CNNM4: variants seen among roughly 807,000 people sequenced by gnomAD.
CNNM4 encodes the protein metal transporter CNNM4.
In CNNM4, 32 loss-of-function variants were observed where a neutral mutation model predicts 53.7. The ratio of observed to expected loss-of-function variants is 0.60; its 90% confidence interval spans 0.45 to 0.80. CNNM4 has a LOEUF of 0.80. Among genes scored for constraint, CNNM4 ranks in the 30% least tolerant of loss-of-function variants. CNNM4 has a pLI of 0.00. For synonymous variants in CNNM4, 410 were observed against 440.0 expected, an observed-to-expected ratio of 0.93 and a Z score of 0.85; for missense variants, 784 against 1,022.0, an observed-to-expected ratio of 0.77 and a Z score of 3.17.
intron 1 of CNNM4, among the ~76,000 whole-genome samples, chr2:96,784,525 C>T (rs1341960239): frequency 6.6e-6 from 1 of 152,182 alleles, no homozygotes; most frequent in Non-Finnish European, 1.5e-5. Flanking sequence ...AATCTAGAGA[C>T]TACTAGCTAA....
At chr2:96,762,878 GC>G (rs2153342230) in intron 1 of CNNM4, among the ~76,000 whole-genome samples, 1 of 152,264 alleles carries the variant, frequency 6.6e-6, no homozygotes, top group South Asian at 2.1e-4. Flanking sequence ...GAGTGGAGAA[GC>G]AAAAGTGTGC....
chr2:96,769,349 A>C (rs980359018), intron 1 of CNNM4, among the ~76,000 whole-genome samples: 2 of 151,820 alleles, frequency 1.3e-5, no homozygotes, highest in African/African-American at 4.8e-5. Context: ...CAGGTGGATC[A>C]CCTGAGGTCA....
At position 96,761,625 on chromosome 2, in the gene CNNM4, T is replaced by C; in HGVS notation, c.626T>C (p.Leu209Pro). 2 of 1,613,950 alleles carry C rather than the reference T, an allele frequency of 1.2e-6. No homozygotes were observed. The highest frequency in any genetic ancestry group is 1.7e-6 in the Non-Finnish European group (2 of 1,180,022). The change falls in exon 1 of 7, where the codon CTG becomes CCG. Residue 209 changes from leucine (L) to proline (P), a missense_variant. By Grantham distance (98) the Leu-to-Pro change is moderately conservative. Around this residue, in one of 3 missense-constraint regions of CNNM4, gnomAD observed 473 missense variants for 624.6 expected, o/e 0.76. Coordinates refer to ENST00000377075, the MANE Select transcript of CNNM4 (RefSeq NM_020184.4). This position sits in a 1 kb window ranked among gnomAD's most constrained non-coding sequence, Gnocchi z 6.0. ...GGCCTCAACCTCGGGCTTATGGCCC[T>C]GGACCCCATGGAGCTGCGCATCGTG... The part of the protein sequence containing the change: ...FSGLNLGLMA[L>P]DPMELRIVQN...
rs546560504 is a variant in CNNM4, at chr2:96,770,429, A to G, written c.1402+8028A>G. Reference sequence around the variant, plus strand: ...TTGGGAAGGGGAGGCCTGTCTCGTAAGTAAAAGTCTGGGAAGACATTTCAG... The same window carrying G: ...TTGGGAAGGGGAGGCCTGTCTCGTAGGTAAAAGTCTGGGAAGACATTTCAG... On this transcript the variant is annotated intron_variant, in intron 1 of 6. Coordinates refer to ENST00000377075, the MANE Select transcript of CNNM4 (RefSeq NM_020184.4). Among the ~76,000 whole-genome samples, 19 of 152,300 alleles carry G rather than the reference A, an allele frequency of 1.2e-4. No homozygotes were observed. In the South Asian group the frequency reaches 3.3e-3, roughly 27 times the overall value.
At chr2:96,770,944 T>C (rs2078863805) in intron 1 of CNNM4, among the ~76,000 whole-genome samples, 2 of 152,234 alleles carry the variant, frequency 1.3e-5, no homozygotes, top group African/African-American at 4.8e-5. Context: ...GGACAGGCTG[T>C]CTCAAAGCCT....
intron 1 of CNNM4, among the ~76,000 whole-genome samples, chr2:96,768,084 C>G (rs1454921072): frequency 2.6e-5 from 4 of 152,096 alleles, no homozygotes. Context: ...CAAAACGAAA[C>G]AACAACAACA....
chr2:96,786,047 AC>A (rs1368492941), intron 1 of CNNM4, among the ~76,000 whole-genome samples: 11 of 151,332 alleles, frequency 7.3e-5, no homozygotes, highest in African/African-American at 2.7e-4. Context: ...AGATCACGCC[AC>A]TGCACTCCAG....
chr2:96,784,053 T>C (rs150350513), intron 1 of CNNM4, among the ~76,000 whole-genome samples: 2 of 152,322 alleles, frequency 1.3e-5, no homozygotes, highest in African/African-American at 4.8e-5. Context: ...CCTTCCACTT[T>C]TGTTACCGAT....
At chr2:96,767,278 G>A (rs1267861006) in intron 1 of CNNM4, among the ~76,000 whole-genome samples, 1 of 152,192 alleles carries the variant, frequency 6.6e-6, no homozygotes, top group African/African-American at 2.4e-5. Flanking sequence ...GACCACAGGA[G>A]TAAGATCATC....
chr2:96,802,171 GACAC>G (rs147284099), intron 5 of CNNM4, among the ~76,000 whole-genome samples: 7 of 149,938 alleles, frequency 4.7e-5, no homozygotes, highest in Middle Eastern at 3.4e-3. Context: ...TACACCCATA[GACAC>G]ACACACACAC....
At chr2:96,799,795 G>T (rs979825124) in intron 5 of CNNM4, 147 bp downstream of exon 5, 2 of 742,896 alleles carry the variant, frequency 2.7e-6, no homozygotes, top group East Asian at 2.7e-5. Flanking sequence ...AGCCGCCAGG[G>T]CCTGGAGCGG....
rs558786237 is a variant in CNNM4, at chr2:96,809,458, A to G, written c.2269A>G (p.Thr757Ala). 10 of 1,613,970 alleles carry G rather than the reference A, an allele frequency of 6.2e-6. No individual in the cohort carries two copies. The Admixed American group carries it at 1.0e-4, about 16-fold the overall frequency. ...GCTGCCTGTGGTGGACGAGACCACA[A>G]CTCTTCTCAACGAGCGTAACTCCTT... ...SELPVVDETT[T>A]LLNERNSLLH... Residue 757 changes from threonine to alanine, a missense_variant, in exon 7 of 7, where the codon ACT (threonine) becomes GCT (alanine). Around this residue, in one of 3 missense-constraint regions of CNNM4, gnomAD observed 307 missense variants for 376.3 expected, o/e 0.82. Transcript: ENST00000377075.
intron 1 of CNNM4, among the ~76,000 whole-genome samples, chr2:96,790,310 ATTT>A (rs1453272718): frequency 7.0e-6 from 1 of 142,916 alleles, no homozygotes; most frequent in African/African-American, 2.6e-5. Context: ...CCGGCCTAGA[ATTT>A]TTTTTTAAAG....
chr2:96,800,657 A>G lies in CNNM4; in HGVS notation c.1948+1009A>G, dbSNP rs927160860. Among the ~76,000 whole-genome samples the G allele has an allele frequency of 1.3e-5, 2 of 152,208 alleles. No individual in the cohort carries two copies. The highest frequency in any genetic ancestry group is 1.5e-5 in the Non-Finnish European group (1 of 68,030). On this transcript the variant is annotated intron_variant, in intron 5 of 6. Coordinates refer to ENST00000377075, the MANE Select transcript of CNNM4 (RefSeq NM_020184.4). This position sits in a 1 kb window ranked among gnomAD's most constrained non-coding sequence, Gnocchi z 4.6. ...CCTATCAGATGCCTCAGGCCTGGGG[A>G]TGACTTCCTGTGCCTCCAAGAGCAG... is the stretch of plus-strand genomic sequence containing the variant.
chr2:96,798,324 T>A, intron 3 of CNNM4: 1 of 164,832 alleles, frequency 6.1e-6, no homozygotes. Context: ...AAGGGACGCT[T>A]CCCCTTCTGC....
At chr2:96,772,227 C>A (rs1174531649) in intron 1 of CNNM4, among the ~76,000 whole-genome samples, 1 of 149,634 alleles carries the variant, frequency 6.7e-6, no homozygotes, top group Non-Finnish European at 1.5e-5. Context: ...CACACTCATA[C>A]CCCCACAAAG....
chr2:96,771,678 C>T (rs2078871026), intron 1 of CNNM4, among the ~76,000 whole-genome samples: 1 of 150,210 alleles, frequency 6.7e-6, no homozygotes, highest in African/African-American at 2.5e-5. Context: ...CGTGCCACTG[C>T]ACTCCAGCCT....
intron 1 of CNNM4, among the ~76,000 whole-genome samples, chr2:96,796,633 C>T (rs534269889): frequency 1.6e-4 from 25 of 152,076 alleles, no homozygotes; most frequent in African/African-American, 5.8e-4. Flanking sequence ...TGGTGGAGCA[C>T]ACCTGTGGTC....
chr2:96,803,582 C>T (rs988609908), intron 5 of CNNM4, among the ~76,000 whole-genome samples: 1 of 151,866 alleles, frequency 6.6e-6, no homozygotes, highest in African/African-American at 2.4e-5. Context: ...AAAAATTAGC[C>T]GGGCGTGGTG....
Sources: gnomAD v4.1 joint callset for allele counts (sites outside exome capture counted in the v4.1 genomes callset) on GRCh38, gnomAD v4.1.1 for gene constraint, gnomAD v4.1.1 regional missense constraint, Gnocchi (gnomAD v3.1) non-coding constraint, MANE v1.5 for transcripts, NCBI Gene and HGNC (gene_info 2026-07-23, HGNC 2026-07-21) for gene names.